The following ASB4 variants were observed in gnomAD, a reference collection of about 807,000 sequenced individuals.
ASB4 encodes ankyrin repeat and SOCS box containing 4, also known as ankyrin repeat and SOCS box protein 4.
In ASB4, 35 loss-of-function variants were observed where a neutral mutation model predicts 38.6. That is an observed-to-expected ratio of 0.91 (90% confidence interval 0.69 to 1.20). The LOEUF is 1.20. ASB4 is among the 50% of genes most tolerant of loss of function. The pLI, the probability that ASB4 is intolerant of heterozygous loss-of-function variation, is 0.00. For synonymous variants in ASB4, 195 were observed against 201.3 expected (o/e 0.97, Z 0.26); for missense variants, 557 against 527.2 (o/e 1.06, Z -0.55).
chr7:95,484,972 A>G (rs148566955), upstream of ASB4, among the ~76,000 whole-genome samples: 1,979 of 145,338 alleles, frequency 0.014, 44 homozygotes, highest in African/African-American at 0.048. Context: ...ATATGTGTGT[A>G]TATATGTATA....
intron 2 of ASB4, among the ~76,000 whole-genome samples, chr7:95,518,919 A>G (rs535161687): frequency 1.3e-5 from 2 of 152,240 alleles, no homozygotes; most frequent in Non-Finnish European, 2.9e-5. Context: ...ACTGGGAGTT[A>G]GTAAGATTAT....
At chr7:95,506,975 T>C (rs188626144) in intron 2 of ASB4, among the ~76,000 whole-genome samples, 11 of 152,262 alleles carry the variant, frequency 7.2e-5, no homozygotes, top group Admixed American at 2.6e-4. Flanking sequence ...CTCTACTTGC[T>C]GGGAGATCTT....
chr7:95,501,733 G>A (rs1016734783), intron 2 of ASB4, among the ~76,000 whole-genome samples: 3 of 152,108 alleles, frequency 2.0e-5, no homozygotes, highest in Admixed American at 1.3e-4. Context: ...TTTCCCAGCC[G>A]GTACAGTTAT....
chr7:95,487,586 G>A (rs923663015), intron 1 of ASB4, among the ~76,000 whole-genome samples: 4 of 152,144 alleles, frequency 2.6e-5, no homozygotes, highest in African/African-American at 9.7e-5. Context: ...AGTTTTAGGT[G>A]CAGGCTCTAG....
intron 2 of ASB4, among the ~76,000 whole-genome samples, chr7:95,515,213 C>CTTTA (rs1385424220): frequency 1.6e-5 from 2 of 122,922 alleles, no homozygotes; most frequent in Non-Finnish European, 3.3e-5. Flanking sequence ...TTCTTTCTTT[C>CTTTA]TTTCTTTCTT....
chr7:95,500,213 G>GA (rs1367842177), intron 2 of ASB4, among the ~76,000 whole-genome samples: 8 of 151,492 alleles, frequency 5.3e-5, no homozygotes, highest in Non-Finnish European at 1.2e-4. Flanking sequence ...AGGTTCGGGA[G>GA]AAAAAAAATG....
At chr7:95,480,645 G>GA (rs1202493516) in intron 1 of ASB4, among the ~76,000 whole-genome samples, 2 of 152,186 alleles carry the variant, frequency 1.3e-5, no homozygotes, top group Non-Finnish European at 2.9e-5. Flanking sequence ...CAACTTGTTA[G>GA]CTAAGTGACT....
intron 1 of ASB4, among the ~76,000 whole-genome samples, chr7:95,492,328 A>G (rs1297984160): frequency 6.6e-6 from 1 of 152,234 alleles, no homozygotes; most frequent in Non-Finnish European, 1.5e-5. Flanking sequence ...TAGCAAATGC[A>G]TTTCCATATC....
chr7:95,485,774 A>C, upstream of ASB4: 1 of 509,210 alleles, frequency 2.0e-6, no homozygotes, highest in South Asian at 3.9e-5. Flanking sequence ...ATATATAACC[A>C]GTTTAAAGGA....
At chr7:95,518,266 T>C (rs975801164) in intron 2 of ASB4, among the ~76,000 whole-genome samples, 7 of 152,214 alleles carry the variant, frequency 4.6e-5, no homozygotes, top group Non-Finnish European at 1.0e-4. Flanking sequence ...TAATGACATA[T>C]GAACAAAAGA....
At chr7:95,527,336 A>C (rs1790752397) in intron 2 of ASB4, among the ~76,000 whole-genome samples, 1 of 152,198 alleles carries the variant, frequency 6.6e-6, no homozygotes, top group South Asian at 2.1e-4. Context: ...ACTTGCATCA[A>C]ACTTTTAGGT....
intron 2 of ASB4, among the ~76,000 whole-genome samples, chr7:95,527,494 A>G (rs930317559): frequency 1.3e-5 from 2 of 152,252 alleles, no homozygotes; most frequent in African/African-American, 2.4e-5. Flanking sequence ...ATTTAGTTGT[A>G]GAAATCTCTT....
Position 95,515,355 on chromosome 7 carries a change from CTT to C in ASB4, c.488-12456_488-12455del, listed in dbSNP as rs1790566834. On this transcript the variant is annotated intron_variant, in intron 2 of 4. Coordinates refer to ENST00000325885, the MANE Select transcript of ASB4 (RefSeq NM_016116.3). ...TTCCTTTCTTTCTTTCTTTCTTTTT[CTT>C]TCTTTCTTTTCTTTCTTTCTTTTCT... Among the ~76,000 whole-genome samples, 34 of 86,018 alleles carry C rather than the reference CTT, an allele frequency of 4.0e-4. 2 individuals are homozygous for C. The highest frequency in any genetic ancestry group is 1.4e-3 in the African/African-American group (33 of 24,016). 56.4% of individuals were successfully genotyped at this position (86,018 alleles called of 152,430 possible).
chr7:95,550,014 G>A, the ASB4 span, among the ~76,000 whole-genome samples: 3 of 152,194 alleles, frequency 2.0e-5, no homozygotes, highest in Non-Finnish European at 4.4e-5. Flanking sequence ...ACAGGTGCAA[G>A]TTTCCAAAGG....
chr7:95,472,140 C>G, the ASB4 span: 1 of 151,940 alleles, frequency 6.6e-6, no homozygotes, highest in African/African-American at 2.4e-5. Flanking sequence ...GTAGCTCATG[C>G]CATTTTGATT....
At chr7:95,503,082 C>A (rs1389128727) in intron 2 of ASB4, among the ~76,000 whole-genome samples, 1 of 152,090 alleles carries the variant, frequency 6.6e-6, no homozygotes, top group Non-Finnish European at 1.5e-5. Flanking sequence ...CTATGCATAT[C>A]AAAATAATAT....
chr7:95,536,294 C>T, intron 3 of ASB4, 143 bp from the exon 4 acceptor site: 1 of 548,914 alleles, frequency 1.8e-6, no homozygotes, highest in Non-Finnish European at 3.3e-6. Flanking sequence ...AAGCAATCCT[C>T]CTGCCTCAGT....
chr7:95,483,212 T>A (rs1420060963), upstream of ASB4, among the ~76,000 whole-genome samples: 1 of 152,208 alleles, frequency 6.6e-6, no homozygotes, highest in Non-Finnish European at 1.5e-5. Flanking sequence ...GACCCCCTTT[T>A]CTTTCAGTCA....
intron 1 of ASB4, among the ~76,000 whole-genome samples, chr7:95,480,166 G>A (rs1790011070): frequency 6.6e-6 from 1 of 152,148 alleles, no homozygotes; most frequent in Non-Finnish European, 1.5e-5. Context: ...GTGGCTTATG[G>A]TGTGGCTGCA....
Sources: allele counts gnomAD v4.1 joint callset (sites outside exome capture counted in the v4.1 genomes callset), GRCh38; gene constraint gnomAD v4.1.1; transcripts MANE v1.5; gene names NCBI Gene and HGNC (gene_info 2026-07-23, HGNC 2026-07-21).